The following TMEM114 variants were observed in gnomAD, a reference collection of about 807,000 sequenced individuals.
TMEM114 encodes transmembrane protein 114.
In TMEM114, 6 loss-of-function variants were observed where a neutral mutation model predicts 6.2. The ratio of observed to expected loss-of-function variants is 0.97; its 90% CI spans 0.53 to 1.91. TMEM114 has a LOEUF of 1.91. Among genes scored for constraint, TMEM114 ranks in the 40% most tolerant of loss-of-function variants. The pLI is 0.01. For missense variants in TMEM114, 218 were observed against 158.3 expected (o/e 1.38, Z -2.02); for synonymous variants, 104 against 73.0 (o/e 1.42, Z -2.16).
At chr16:8,562,116 G>A (rs1257370996) in intron 2 of TMEM114, among the ~76,000 whole-genome samples, 1 of 150,434 alleles carries the variant, frequency 6.6e-6, no homozygotes, top group Non-Finnish European at 1.5e-5. Flanking sequence ...GAGCGAATAA[G>A]TAAGTGAATG....
chr16:8,532,287 C>T, the TMEM114 span, among the ~76,000 whole-genome samples: 5 of 152,200 alleles, frequency 3.3e-5, no homozygotes, highest in Non-Finnish European at 7.3e-5. Flanking sequence ...TTTTAATTTT[C>T]ACTCTGCCTC....
At chr16:8,569,009 G>T (rs901014291), downstream of TMEM114, among the ~76,000 whole-genome samples, 4 of 152,212 alleles carry the variant, frequency 2.6e-5, no homozygotes, top group African/African-American at 9.6e-5. Flanking sequence ...GAGTTTTTGG[G>T]CTTCACCCAG....
chr16:8,568,852 G>C (rs557147072), downstream of TMEM114, among the ~76,000 whole-genome samples: 3 of 152,246 alleles, frequency 2.0e-5, 1 homozygote, highest in African/African-American at 4.8e-5. Flanking sequence ...ACAGCAGCAG[G>C]ATTTTTGGAA....
chr16:8,584,016 C>T (rs35449332), intron 2 of TMEM114, among the ~76,000 whole-genome samples: 7,043 of 152,256 alleles, frequency 0.046, 221 homozygotes, highest in Non-Finnish European at 0.058. Context: ...GAGCATGTCA[C>T]CCAATGTGGT....
intron 2 of TMEM114, among the ~76,000 whole-genome samples, chr16:8,542,032 A>G (rs1900529449): frequency 6.6e-6 from 1 of 152,190 alleles, no homozygotes; most frequent in Non-Finnish European, 1.5e-5. Flanking sequence ...ATGGTGACCA[A>G]GAAAAAGCAC....
chr16:8,553,278 T>G (rs1207351226), intron 2 of TMEM114, among the ~76,000 whole-genome samples: 1 of 152,204 alleles, frequency 6.6e-6, no homozygotes, highest in African/African-American at 2.4e-5. Flanking sequence ...ACTTTGAAAT[T>G]GAGGTTCTGG....
intron 2 of TMEM114, among the ~76,000 whole-genome samples, chr16:8,542,161 C>A (rs181872052): frequency 4.4e-4 from 67 of 151,924 alleles, no homozygotes; most frequent in African/African-American, 1.5e-3. Flanking sequence ...GTCCCTTGAC[C>A]AAGGAGGATG....
chr16:8,559,331 C>A (rs1037191175), intron 2 of TMEM114, among the ~76,000 whole-genome samples: 1 of 152,242 alleles, frequency 6.6e-6, no homozygotes, highest in African/African-American at 2.4e-5. Context: ...GCGTGAGCCG[C>A]CGGACCCTGC....
intron 2 of TMEM114, among the ~76,000 whole-genome samples, chr16:8,576,391 T>TC (rs1901930949): frequency 6.6e-6 from 1 of 152,096 alleles, no homozygotes; most frequent in Admixed American, 6.5e-5. Flanking sequence ...ACCCCACAGC[T>TC]CCCCATGGAG....
intron 2 of TMEM114, among the ~76,000 whole-genome samples, chr16:8,561,841 TGAGTGAATG>T: frequency 6.7e-6 from 1 of 149,602 alleles, no homozygotes; most frequent in Non-Finnish European, 1.5e-5. Flanking sequence ...AGTGAATGAG[TGAGTGAATG>T]AATGAGTGAG....
chr16:8,555,654 C>G (rs752439280), intron 2 of TMEM114, among the ~76,000 whole-genome samples: 3 of 152,182 alleles, frequency 2.0e-5, no homozygotes, highest in Non-Finnish European at 4.4e-5. Context: ...ATTGTTTTCA[C>G]GTCGATGACT....
intron 2 of TMEM114, among the ~76,000 whole-genome samples, chr16:8,564,091 GAGTGAATGAGTGAGGAAATAAGTA>G (rs1228432960): frequency 7.9e-5 from 12 of 151,192 alleles, no homozygotes; most frequent in African/African-American, 1.5e-4. Context: ...ATGAGTGAGT[GAGTGAATGAGTGAGGAAATAAGTA>G]AGTGAATGAG....
Position 8,547,816 on chromosome 16 carries a change from C to T in TMEM114, n.213-9990G>A, listed in dbSNP as rs147389406. Among the ~76,000 whole-genome samples the T allele has an allele frequency of 3.0e-3, 450 of 152,234 alleles. 4 individuals are homozygous for T. The highest frequency in any genetic ancestry group is 0.011 in the African/African-American group (441 of 41,548). The stretch of plus-strand genomic sequence containing the variant: ...ACCACAGTCATGGTTATTTAATTAC[C>T]ATGAGAGACTCTCATCAGGATACCA... On this transcript the variant is annotated intron_variant and non_coding_transcript_variant, in intron 2 of 2. Coordinates refer to the TMEM114 transcript ENST00000623677.
At chr16:8,562,965 TGAGAGAGTGATGGAGGGAAG>T (rs1567202603) in intron 2 of TMEM114, among the ~76,000 whole-genome samples, 132 of 84,828 alleles carry the variant, frequency 1.6e-3, no homozygotes, top group Middle Eastern at 7.2e-3. Context: ...AGTGAATGAG[TGAGAGAGTGATGGAGGGAAG>T]GAGTGAGTGA....
chr16:8,554,007 T>C (rs554747906), intron 2 of TMEM114, among the ~76,000 whole-genome samples: 181 of 152,126 alleles, frequency 1.2e-3, no homozygotes, highest in African/African-American at 4.2e-3. Context: ...GCCGCCTGAA[T>C]AGCTGGGATT....
chr16:8,549,402 A>G (rs1464031321), intron 2 of TMEM114, among the ~76,000 whole-genome samples: 2 of 150,962 alleles, frequency 1.3e-5, no homozygotes, highest in Admixed American at 1.3e-4. Context: ...CGGGAGGCTG[A>G]GGAAGGAGAA....
chr16:8,560,826 A>G (rs772661944), intron 2 of TMEM114, among the ~76,000 whole-genome samples: 7 of 152,208 alleles, frequency 4.6e-5, no homozygotes, highest in Non-Finnish European at 1.0e-4. Context: ...GGCTGGGTGT[A>G]TTAGTCTGTT....
At chr16:8,557,501 G>A (rs1255487200) in intron 2 of TMEM114, among the ~76,000 whole-genome samples, 1 of 152,198 alleles carries the variant, frequency 6.6e-6, no homozygotes, top group African/African-American at 2.4e-5. Context: ...TCGCCCAGCT[G>A]AGTCCTTCTG....
At chr16:8,572,034 AT>A (rs1901750643) in intron 3 of TMEM114, 52 bp downstream of exon 3, 1 of 1,475,786 alleles carries the variant, frequency 6.8e-7, no homozygotes, top group African/African-American at 1.4e-5. Flanking sequence ...CACAGTACCC[AT>A]TGCCCAACCC....
Sources: allele counts gnomAD v4.1 joint callset (sites outside exome capture counted in the v4.1 genomes callset), GRCh38; gene constraint gnomAD v4.1.1; transcripts MANE v1.5; gene names NCBI Gene and HGNC (gene_info 2026-07-23, HGNC 2026-07-21).